The following RNGTT variants were observed in gnomAD, a reference collection of about 807,000 sequenced individuals.
RNGTT encodes mRNA-capping enzyme.
A neutral mutation model predicts 79.3 loss-of-function variants in RNGTT; 33 were observed. The ratio of observed to expected loss-of-function variants is 0.42; its 90% CI spans 0.32 to 0.56. RNGTT has a LOEUF of 0.56. Among genes scored for constraint, RNGTT ranks in the 20% least tolerant of loss-of-function variants. The pLI is 0.17. For missense variants in RNGTT, 497 were observed against 739.1 expected (o/e 0.67, Z 3.80); for synonymous variants, 222 against 235.9 (o/e 0.94, Z 0.54).
At chr6:88,731,177 C>A (rs918056103) in intron 13 of RNGTT, among the ~76,000 whole-genome samples, 2 of 151,808 alleles carry the variant, frequency 1.3e-5, no homozygotes, top group East Asian at 1.9e-4. Flanking sequence ...AAAGCCCCCC[C>A]AAAAAAACAT....
chr6:88,795,809 T>C (rs1475642618), intron 12 of RNGTT, among the ~76,000 whole-genome samples: 1 of 152,136 alleles, frequency 6.6e-6, no homozygotes, highest in Non-Finnish European at 1.5e-5. Context: ...AATACTGCAA[T>C]GCACTATGAT....
chr6:88,627,177 A>G (rs1183614483), intron 14 of RNGTT, among the ~76,000 whole-genome samples: 1 of 152,124 alleles, frequency 6.6e-6, no homozygotes, highest in Non-Finnish European at 1.5e-5. Context: ...CAAATATTTC[A>G]TAAAGTATAT....
intron 13 of RNGTT, among the ~76,000 whole-genome samples, chr6:88,719,132 A>G (rs1352601837): frequency 6.6e-6 from 1 of 152,150 alleles, no homozygotes; most frequent in African/African-American, 2.4e-5. Flanking sequence ...TTACTGGCAA[A>G]TTCAATAGCC....
At chr6:88,650,995 T>G (rs1644560956) in intron 14 of RNGTT, among the ~76,000 whole-genome samples, 1 of 152,154 alleles carries the variant, frequency 6.6e-6, no homozygotes, top group Admixed American at 6.5e-5. Context: ...AATGCAAGAA[T>G]TCTCAGCTTT....
At chr6:88,679,933 G>A (rs1775026269) in intron 13 of RNGTT, among the ~76,000 whole-genome samples, 1 of 152,142 alleles carries the variant, frequency 6.6e-6, no homozygotes, top group Non-Finnish European at 1.5e-5. Flanking sequence ...GAGGAACTAT[G>A]CAACGTCACT....
chr6:88,843,071 TCAAAA>T (rs144896836), intron 11 of RNGTT, among the ~76,000 whole-genome samples: 2 of 145,370 alleles, frequency 1.4e-5, no homozygotes, highest in African/African-American at 2.6e-5. Context: ...AGACCCTGCC[TCAAAA>T]CAAAACAAAA....
chr6:88,666,982 T>A (rs1774436877), intron 14 of RNGTT, among the ~76,000 whole-genome samples: 1 of 152,168 alleles, frequency 6.6e-6, no homozygotes, highest in African/African-American at 2.4e-5. Context: ...ACATTTAGTA[T>A]CAGCAAGAAA....
At chr6:88,898,092 T>C (rs1234923299) in intron 6 of RNGTT, among the ~76,000 whole-genome samples, 2 of 152,174 alleles carry the variant, frequency 1.3e-5, no homozygotes, top group Non-Finnish European at 2.9e-5. Flanking sequence ...TACAACCATA[T>C]GCTGAGTCCT....
intron 11 of RNGTT, among the ~76,000 whole-genome samples, chr6:88,834,086 AT>A (rs995583058): frequency 3.9e-5 from 6 of 152,300 alleles, no homozygotes; most frequent in African/African-American, 1.2e-4. Context: ...ACAAATAGGT[AT>A]TTTTTTGAAT....
intron 6 of RNGTT, among the ~76,000 whole-genome samples, chr6:88,901,610 C>A (rs9362586): frequency 0.097 from 14,509 of 149,884 alleles, 1,625 homozygotes; most frequent in African/African-American, 0.27. Context: ...GGGTTCAAGC[C>A]ATTCTCCTGC....
chr6:88,871,906 C>A (rs949769393), intron 8 of RNGTT, among the ~76,000 whole-genome samples: 1 of 152,112 alleles, frequency 6.6e-6, no homozygotes, highest in Admixed American at 6.6e-5. Flanking sequence ...ACCATTCCCC[C>A]CCATAAAAAC....
At chr6:88,911,153 G>A (rs1026433812) in intron 4 of RNGTT, among the ~76,000 whole-genome samples, 35 of 151,970 alleles carry the variant, frequency 2.3e-4, no homozygotes, top group African/African-American at 8.5e-4. Flanking sequence ...AATGTAAACA[G>A]TCTAAACACT....
chr6:88,653,686 T>C (rs531756371), intron 14 of RNGTT, among the ~76,000 whole-genome samples: 76 of 152,310 alleles, frequency 5.0e-4, no homozygotes, highest in African/African-American at 1.7e-3. Context: ...TTTAAATAGT[T>C]TGATGAACTC....
intron 13 of RNGTT, among the ~76,000 whole-genome samples, chr6:88,729,043 C>T (rs7752823): frequency 0.13 from 19,768 of 152,148 alleles, 1,456 homozygotes; most frequent in Middle Eastern, 0.23. Context: ...AGGATTCTAC[C>T]GCCTGGAGTA....
At chr6:88,726,973 T>A (rs9451067) in intron 13 of RNGTT, among the ~76,000 whole-genome samples, 15,426 of 150,284 alleles carry the variant, frequency 0.1, 2,645 homozygotes, top group African/African-American at 0.36. Flanking sequence ...TGGAAAAGAA[T>A]GATTATCATC....
chr6:88,854,952 A>G (rs1165187579), intron 8 of RNGTT, among the ~76,000 whole-genome samples: 1 of 152,228 alleles, frequency 6.6e-6, no homozygotes, highest in African/African-American at 2.4e-5. Context: ...TCCAAGAACC[A>G]AAGTCTTCAA....
rs151072744 is a variant in RNGTT, at chr6:88,769,622, GTATAAGTA to G, written c.1439+144_1439+151del. The stretch of plus-strand genomic sequence containing the variant: ...AGTAATCTCTGAAAACGAAATTGTT[GTATAAGTA>G]TATATGTAAAATATCTTGTAAAATA... On this transcript the variant is annotated intron_variant, in intron 13 of 15. Transcript: ENST00000369485. 431 of 459,748 alleles carry G rather than the reference GTATAAGTA, an allele frequency of 9.4e-4. 1 individual carries two copies. Among genetic ancestry groups the G allele is most frequent in the African/African-American group, 7.7e-3 (391 of 50,874 alleles). 28.5% of individuals were successfully genotyped at this position (459,748 alleles called of 1,614,324 possible). A position where few individuals can be genotyped will look rare whatever the true frequency, so the allele number is the denominator to read the frequency against.
chr6:88,930,044 A>G (rs139194191), intron 2 of RNGTT, among the ~76,000 whole-genome samples: 3,647 of 143,678 alleles, frequency 0.025, 76 homozygotes, highest in Non-Finnish European at 0.036. Context: ...ATATATGCAT[A>G]TATACATATA....
chr6:88,719,178 C>T (rs1359652448), intron 13 of RNGTT, among the ~76,000 whole-genome samples: 1 of 152,174 alleles, frequency 6.6e-6, no homozygotes, highest in East Asian at 1.9e-4. Flanking sequence ...TCTTCAATCC[C>T]TCTGCCTAGA....
Sources: allele counts gnomAD v4.1 joint callset (sites outside exome capture counted in the v4.1 genomes callset), GRCh38; gene constraint gnomAD v4.1.1; transcripts MANE v1.5; gene names NCBI Gene and HGNC (gene_info 2026-07-23, HGNC 2026-07-21).